The following NCALD variants were observed in gnomAD, a reference collection of about 807,000 sequenced individuals.
NCALD encodes the protein neurocalcin delta.
In NCALD, 10 loss-of-function variants were observed where a neutral mutation model predicts 18.6. The observed-to-expected ratio is 0.54, with a 90% CI of 0.33 to 0.91. The LOEUF is 0.91. Among genes scored for constraint, NCALD ranks in the 40% least tolerant of loss-of-function variants. The pLI is 0.03. For missense variants in NCALD, 184 were observed against 247.6 expected, an observed-to-expected ratio of 0.74 and a Z score of 1.72; for synonymous variants, 88 against 87.4, an observed-to-expected ratio of 1.01 and a Z score of -0.04.
At chr8:101,851,559 T>C (rs1815092445) in intron 4 of NCALD, among the ~76,000 whole-genome samples, 1 of 152,142 alleles carries the variant, frequency 6.6e-6, no homozygotes, top group African/African-American at 2.4e-5. Flanking sequence ...GGCAACACAA[T>C]GTTAAGGTTA....
chr8:101,835,699 TGTGTGTGTGAGTGTGTGTGCATGC>T (rs1814383155), intron 4 of NCALD, among the ~76,000 whole-genome samples: 1 of 152,048 alleles, frequency 6.6e-6, no homozygotes, highest in South Asian at 2.1e-4. Context: ...TATACCTAGC[TGTGTGTGTGAGTGTGTGTGCATGC>T]GTGTGTGTGA....
intron 2 of NCALD, among the ~76,000 whole-genome samples, chr8:101,973,746 A>C (rs1254501112): frequency 6.6e-6 from 1 of 152,166 alleles, no homozygotes; most frequent in South Asian, 2.1e-4. Flanking sequence ...ATGAGACCAC[A>C]AGCTTCTAAC....
intron 1 of NCALD, among the ~76,000 whole-genome samples, chr8:102,076,949 G>T (rs17506775): frequency 0.062 from 9,507 of 152,134 alleles, 418 homozygotes; most frequent in Non-Finnish European, 0.092. Context: ...AGTGACCTGT[G>T]GCCTAGGATT....
At chr8:101,694,281 G>C (rs1814884166) in intron 2 of NCALD, 1 of 152,308 alleles carries the variant, frequency 6.6e-6, no homozygotes, top group Non-Finnish European at 1.5e-5. Context: ...AAGCAGCTGA[G>C]GGGAGTCGCC....
At chr8:101,736,569 C>G (rs796279687) in intron 1 of NCALD, among the ~76,000 whole-genome samples, 15 of 152,258 alleles carry the variant, frequency 9.9e-5, no homozygotes, top group African/African-American at 1.4e-4. Context: ...CAGAGTTAAA[C>G]CTGGCCATGT....
Position 101,715,629 on chromosome 8 carries a change from A to C in NCALD, c.378+3623T>G, listed in dbSNP as rs981524988. Among the ~76,000 whole-genome samples the C allele has an allele frequency of 5.9e-5, 9 of 152,240 alleles. No homozygotes were observed. In the East Asian group the frequency reaches 1.7e-3, roughly 29 times the overall value. ...AACTTAAACAAATTTACAAGAAAAA[A>C]ACAACCCCATCAAAAACTGGGCAAA... On this transcript the variant is annotated intron_variant, in intron 2 of 3. Coordinates refer to ENST00000220931, the MANE Select transcript of NCALD (RefSeq NM_032041.3).
chr8:102,013,848 A>C (rs1365333743), intron 2 of NCALD, among the ~76,000 whole-genome samples: 1 of 152,184 alleles, frequency 6.6e-6, no homozygotes, highest in Non-Finnish European at 1.5e-5. Flanking sequence ...ACAGCTTAAG[A>C]ATTTGGATAA....
At chr8:102,018,121 A>G (rs1248736670) in intron 2 of NCALD, among the ~76,000 whole-genome samples, 1 of 152,262 alleles carries the variant, frequency 6.6e-6, no homozygotes, top group Non-Finnish European at 1.5e-5. Flanking sequence ...AAACTTTCAT[A>G]TATTGCTGAT....
intron 4 of NCALD, among the ~76,000 whole-genome samples, chr8:101,805,139 G>A (rs1813052244): frequency 6.6e-6 from 1 of 152,070 alleles, no homozygotes; most frequent in Non-Finnish European, 1.5e-5. Context: ...AGGGCATATA[G>A]ACAATGCAGA....
At chr8:101,939,398 A>C (rs1238827017) in intron 2 of NCALD, among the ~76,000 whole-genome samples, 1 of 152,218 alleles carries the variant, frequency 6.6e-6, no homozygotes, top group Non-Finnish European at 1.5e-5. Flanking sequence ...AATCACACAG[A>C]AGCCAATTGT....
At chr8:102,075,181 G>A (rs1824302231) in intron 1 of NCALD, among the ~76,000 whole-genome samples, 1 of 152,120 alleles carries the variant, frequency 6.6e-6, no homozygotes. Context: ...AAGAAAGAAA[G>A]AGAACATATA....
chr8:101,902,427 CA>C (rs1817467375), intron 3 of NCALD, among the ~76,000 whole-genome samples: 2 of 152,256 alleles, frequency 1.3e-5, no homozygotes, highest in South Asian at 2.1e-4. Context: ...ATGGGTTGGC[CA>C]GGGGTCCAGT....
chr8:101,878,504 TAC>T (rs1477465500), intron 4 of NCALD, among the ~76,000 whole-genome samples: 1 of 152,228 alleles, frequency 6.6e-6, no homozygotes, highest in Non-Finnish European at 1.5e-5. Flanking sequence ...ATTTCTCTCA[TAC>T]AGTCTTGCTA....
At chr8:102,020,363 A>G (rs1410618732) in intron 1 of NCALD, 1 of 152,204 alleles carries the variant, frequency 6.6e-6, no homozygotes, top group Non-Finnish European at 1.5e-5. Flanking sequence ...AATACATCTA[A>G]TAGATGTATT....
chr8:101,697,014 T>C (rs1350165707), intron 2 of NCALD, among the ~76,000 whole-genome samples: 3 of 151,794 alleles, frequency 2.0e-5, no homozygotes, highest in East Asian at 3.9e-4. Context: ...CCAGGAGCTG[T>C]TTTTTTGAAA....
chr8:101,892,697 C>A (rs540715647), intron 3 of NCALD, among the ~76,000 whole-genome samples: 1 of 150,294 alleles, frequency 6.7e-6, no homozygotes, highest in Admixed American at 6.6e-5. Context: ...AACCAAGGCT[C>A]GAGAACTACG....
At chr8:101,887,915 G>T (rs1816731082) in intron 3 of NCALD, among the ~76,000 whole-genome samples, 1 of 152,148 alleles carries the variant, frequency 6.6e-6, no homozygotes, top group Non-Finnish European at 1.5e-5. Flanking sequence ...TCTTGGTACA[G>T]GTATTCTTTG....
intron 1 of NCALD, among the ~76,000 whole-genome samples, chr8:102,054,595 G>C (rs1823568036): frequency 6.6e-6 from 1 of 151,624 alleles, no homozygotes; most frequent in Non-Finnish European, 1.5e-5. Flanking sequence ...TCTCCAGACT[G>C]CTGGTCTGCC....
At chr8:101,866,446 C>T (rs941048780) in intron 4 of NCALD, among the ~76,000 whole-genome samples, 1 of 152,184 alleles carries the variant, frequency 6.6e-6, no homozygotes, top group African/African-American at 2.4e-5. Flanking sequence ...GGCTCCTCTC[C>T]CCTGAACTGC....
Sources: allele counts gnomAD v4.1 joint callset (sites outside exome capture counted in the v4.1 genomes callset), GRCh38; gene constraint gnomAD v4.1.1; transcripts MANE v1.5; gene names NCBI Gene and HGNC (gene_info 2026-07-23, HGNC 2026-07-21).